Variants in SCARA3 observed in about 807,000 individuals in gnomAD.
SCARA3 encodes the protein scavenger receptor class A member 3, also known as cellular stress response gene protein.
A neutral mutation model predicts 47.0 loss-of-function variants in SCARA3; 39 were observed. The observed-to-expected ratio is 0.83, with a 90% CI of 0.64 to 1.08. The LOEUF is 1.08. SCARA3 is among the 50% of genes least tolerant of loss of function. The probability of loss-of-function intolerance (pLI) is 0.00; values close to 1 mark genes in which losing one functional copy is unlikely to be tolerated. For synonymous variants in SCARA3, 356 were observed against 334.1 expected, an observed-to-expected ratio of 1.07 and a Z score of -0.71; for missense variants, 724 against 792.3, an observed-to-expected ratio of 0.91 and a Z score of 1.04.
At chr8:27,683,923 TGAA>T in the SCARA3 span, among the ~76,000 whole-genome samples, 1 of 151,918 alleles carries the variant, frequency 6.6e-6, no homozygotes, top group African/African-American at 2.4e-5. Context: ...AACTATGTAA[TGAA>T]GAAAAGAAGC....
At chr8:27,639,852 C>A (rs376580045) in intron 1 of SCARA3, among the ~76,000 whole-genome samples, 1 of 152,146 alleles carries the variant, frequency 6.6e-6, no homozygotes, top group Admixed American at 6.5e-5. Context: ...TGACCCACCG[C>A]GTTGACTGCT....
downstream of SCARA3, among the ~76,000 whole-genome samples, chr8:27,681,152 A>G (rs1020636458): frequency 1.3e-5 from 2 of 152,218 alleles, no homozygotes; most frequent in Admixed American, 6.5e-5. Context: ...GTGAAATAAG[A>G]CAAGTAAAGT....
intron 3 of SCARA3, among the ~76,000 whole-genome samples, chr8:27,655,771 A>G (rs1285307019): frequency 6.6e-6 from 1 of 152,178 alleles, no homozygotes; most frequent in Non-Finnish European, 1.5e-5. Context: ...ATTCTTACAT[A>G]ATTGCTGTAT....
chr8:27,706,278 C>T, the SCARA3 span, among the ~76,000 whole-genome samples: 1 of 152,124 alleles, frequency 6.6e-6, no homozygotes, highest in Non-Finnish European at 1.5e-5. Flanking sequence ...CTCAGCCTCC[C>T]GAGTAGCTGG....
Position 27,658,824 on chromosome 8 carries a change from T to C in SCARA3, c.654T>C (p.Ala218=). 1 of 1,614,118 alleles carries C rather than the reference T, an allele frequency of 6.2e-7. No individual in the cohort carries two copies. The highest frequency in any genetic ancestry group is 8.5e-7 in the Non-Finnish European group (1 of 1,180,018). The part of the protein sequence containing the change: ...DLTQECYDVK[A]AVHQINFTVG... ...CCCAGGAGTGCTACGATGTCAAGGC[T>C]GCAGTGCACCAGATCAACTTCACCG... is the stretch of plus-strand genomic sequence containing the variant. Residue 218 remains alanine (A), a synonymous_variant, in exon 5 of 6, where the codon GCT becomes GCC. Coordinates refer to ENST00000301904, the MANE Select transcript of SCARA3 (RefSeq NM_016240.3).
downstream of SCARA3, among the ~76,000 whole-genome samples, chr8:27,678,612 C>T (rs765497839): frequency 6.6e-6 from 1 of 152,118 alleles, no homozygotes; most frequent in Non-Finnish European, 1.5e-5. Flanking sequence ...ATTTAAGGAA[C>T]AAATAATACA....
downstream of SCARA3, among the ~76,000 whole-genome samples, chr8:27,673,534 G>GT (rs1291458084): frequency 2.6e-5 from 4 of 152,156 alleles, no homozygotes; most frequent in African/African-American, 7.2e-5. Flanking sequence ...TGTTTTTTGG[G>GT]TTTTTTTGGA....
At chr8:27,710,458 T>C in the SCARA3 span, among the ~76,000 whole-genome samples, 1 of 152,176 alleles carries the variant, frequency 6.6e-6, no homozygotes, top group Non-Finnish European at 1.5e-5. Flanking sequence ...TTAAGCTTGT[T>C]ATTGAAAAAA....
At chr8:27,675,667 G>A (rs1802264581), downstream of SCARA3, among the ~76,000 whole-genome samples, 1 of 152,202 alleles carries the variant, frequency 6.6e-6, no homozygotes, top group South Asian at 2.1e-4. Flanking sequence ...GTGTGCACCT[G>A]TAATCCCAGC....
chr8:27,683,051 T>C, the SCARA3 span, among the ~76,000 whole-genome samples: 2 of 151,042 alleles, frequency 1.3e-5, no homozygotes, highest in East Asian at 1.9e-4. Flanking sequence ...AAAAAACAAA[T>C]GTCGATCATC....
chr8:27,655,666 T>A (rs1307091395), intron 3 of SCARA3, among the ~76,000 whole-genome samples: 1 of 152,206 alleles, frequency 6.6e-6, no homozygotes, highest in African/African-American at 2.4e-5. Context: ...TATATAAGGA[T>A]TATTTCTAGA....
the SCARA3 span, among the ~76,000 whole-genome samples, chr8:27,706,349 C>T: frequency 3.9e-5 from 6 of 152,198 alleles, no homozygotes; most frequent in East Asian, 3.9e-4. Context: ...GATGGGTTTT[C>T]GCCGTGTTGG....
At chr8:27,708,366 C>T in the SCARA3 span, among the ~76,000 whole-genome samples, 1 of 152,124 alleles carries the variant, frequency 6.6e-6, no homozygotes, top group Admixed American at 6.6e-5. Context: ...TACTACTTGA[C>T]TCTGCTACAA....
chr8:27,669,185 G>A (rs1289538667), intron 5 of SCARA3, among the ~76,000 whole-genome samples: 1 of 152,158 alleles, frequency 6.6e-6, no homozygotes, highest in Non-Finnish European at 1.5e-5. Flanking sequence ...AGGAGGGAGT[G>A]GCAGGAGAAG....
At chr8:27,692,592 T>G in the SCARA3 span, among the ~76,000 whole-genome samples, 1 of 152,298 alleles carries the variant, frequency 6.6e-6, no homozygotes, top group East Asian at 1.9e-4. Flanking sequence ...CTACATTCTG[T>G]AGAGAATCTT....
chr8:27,635,707 C>CAG (rs1347848481), intron 1 of SCARA3, among the ~76,000 whole-genome samples: 1 of 151,974 alleles, frequency 6.6e-6, no homozygotes, highest in East Asian at 1.9e-4. Flanking sequence ...CCTCCCACCT[C>CAG]AGCCTCCTAA....
chr8:27,656,507 T>C (rs564213568), intron 3 of SCARA3, among the ~76,000 whole-genome samples: 1 of 152,170 alleles, frequency 6.6e-6, no homozygotes, highest in African/African-American at 2.4e-5. Context: ...AATAATTTTT[T>C]TTTAATTTTT....
chr8:27,640,629 C>T (rs1008844342), intron 1 of SCARA3, among the ~76,000 whole-genome samples: 2 of 152,050 alleles, frequency 1.3e-5, no homozygotes, highest in Non-Finnish European at 2.9e-5. Context: ...ATCCTCCCTC[C>T]TCAGCCTCCC....
chr8:27,659,495 A>C lies in SCARA3; in HGVS notation c.1325A>C (p.Asp442Ala). ...ATCGTGGAGGAGATGAAGGCAGTGG[A>C]CACACAGCATGGAGAAATCCTTCGC... ...SMIVEEMKAV[D>A]TQHGEILRNV... is the part of the protein sequence containing the mutation. The change falls in exon 5 of 6, where the codon GAC becomes GCC. Residue 442 changes from aspartate to alanine, a missense_variant. By Grantham distance (126) the Asp-to-Ala change is moderately radical. Coordinates refer to ENST00000301904, the MANE Select transcript of SCARA3 (RefSeq NM_016240.3). 6.2e-7 allele frequency: 1 copy of C among 1,613,802 alleles called. No homozygotes were observed. Among genetic ancestry groups the C allele is most frequent in the Non-Finnish European group, 8.5e-7 (1 of 1,179,846 alleles).
Sources: gnomAD v4.1 joint callset for allele counts (sites outside exome capture counted in the v4.1 genomes callset) on GRCh38, gnomAD v4.1.1 for gene constraint, MANE v1.5 for transcripts, NCBI Gene and HGNC (gene_info 2026-07-23, HGNC 2026-07-21) for gene names.